PLCE1: variants seen among roughly 807,000 people sequenced by gnomAD.
PLCE1 encodes 1-phosphatidylinositol 4,5-bisphosphate phosphodiesterase epsilon-1.
PLCE1 carries 119 observed loss-of-function variants against 242.8 expected under a neutral mutation model. That is an observed-to-expected ratio of 0.49 (90% CI 0.42 to 0.57). The LOEUF is 0.57. Among genes scored for constraint, PLCE1 ranks in the 20% least tolerant of loss-of-function variants. The pLI is 0.00. For synonymous variants in PLCE1, 945 were observed against 1,017.4 expected (o/e 0.93, Z 1.35); for missense variants, 2,441 against 2,788.8 (o/e 0.88, Z 2.81).
intron 28 of PLCE1, among the ~76,000 whole-genome samples, chr10:94,316,251 A>C (rs542869571): frequency 6.6e-6 from 1 of 152,352 alleles, no homozygotes; most frequent in African/African-American, 2.4e-5. Context: ...CAAAGGGCTA[A>C]GTTCATGGAA....
rs2054145437 is a variant in PLCE1 at position 94,330,389 on chromosome 10, TAA to T, written c.*2448_*2449del. On this transcript the variant is annotated 3_prime_UTR_variant, in exon 33 of 33. Transcript: ENST00000371380. ...AGAAAGAACACATTGTTTCAAAATG[TAA>T]AGAGTTGGCTGGGCACAGTGGCTCA... 1 of 152,134 alleles carries T rather than the reference TAA, an allele frequency of 6.6e-6. No homozygotes were observed. Among genetic ancestry groups the T allele is most frequent in the Non-Finnish European group, 1.5e-5 (1 of 68,028 alleles). 9.4% of individuals were successfully genotyped at this position (152,134 alleles called of 1,614,324 possible).
chr10:94,163,111 G>C (rs970085661), intron 3 of PLCE1, among the ~76,000 whole-genome samples: 1 of 152,186 alleles, frequency 6.6e-6, no homozygotes, highest in African/African-American at 2.4e-5. Context: ...GTGGTGTGGT[G>C]CTGAAAAGAA....
rs753807448 is a variant in PLCE1 at position 94,060,173 on chromosome 10, GT to G, written c.1206+27933del. Among the ~76,000 whole-genome samples the G allele has an allele frequency of 8.1e-3, 1,177 of 144,472 alleles. 7 individuals are homozygous for G. The highest frequency in any genetic ancestry group is 0.013 in the Non-Finnish European group (840 of 65,494). 94.8% of individuals were successfully genotyped at this position (144,472 alleles called of 152,430 possible). ...CTTGCTACATGCTGGTCTTGGTCAA[GT>G]TTTTTTTTTTTGTCTAAGCTTCTGC... On this transcript the variant is annotated intron_variant, in intron 2 of 32. Transcript: ENST00000371380.
At chr10:94,180,752 G>A (rs56024920) in intron 4 of PLCE1, among the ~76,000 whole-genome samples, 3,603 of 152,248 alleles carry the variant, frequency 0.024, 137 homozygotes, top group African/African-American at 0.081. Flanking sequence ...CTCCTCCATC[G>A]TCAATGGGAT....
chr10:94,156,003 G>A (rs1331875822), intron 3 of PLCE1, among the ~76,000 whole-genome samples: 1 of 152,010 alleles, frequency 6.6e-6, no homozygotes, highest in East Asian at 1.9e-4. Context: ...AAAAAAGAAT[G>A]GACATAAATA....
At chr10:94,002,398 A>G (rs1246488995) in intron 1 of PLCE1, among the ~76,000 whole-genome samples, 1 of 152,174 alleles carries the variant, frequency 6.6e-6, no homozygotes, top group Non-Finnish European at 1.5e-5. Flanking sequence ...GCAAGCCCAG[A>G]TCAAATTAGT....
chr10:94,064,854 T>C (rs931355115), intron 2 of PLCE1, among the ~76,000 whole-genome samples: 2 of 152,152 alleles, frequency 1.3e-5, no homozygotes, highest in African/African-American at 4.8e-5. Flanking sequence ...TTCAGCTGTG[T>C]CCCACCTTTT....
rs183096253 is a variant in PLCE1, at chr10:94,080,461, A to G, written c.1206+48209A>G. Among the ~76,000 whole-genome samples the G allele has an allele frequency of 1.5e-3, 229 of 152,330 alleles. 2 individuals carry two copies. The highest frequency in any genetic ancestry group is 4.4e-3 in the African/African-American group (185 of 41,580). ...TCTCTACCATGAGATTGGACATGCT[A>G]TTAGCCCAGGGACCAAGTAAAATGT... On this transcript the variant is annotated intron_variant, in intron 2 of 32. Coordinates refer to ENST00000371380, the MANE Select transcript of PLCE1 (RefSeq NM_016341.4).
intron 8 of PLCE1, among the ~76,000 whole-genome samples, chr10:94,247,794 C>T (rs879496011): frequency 7.2e-5 from 11 of 152,098 alleles, no homozygotes; most frequent in East Asian, 1.9e-4. Flanking sequence ...TATAGTTTAG[C>T]GTGGCAACAG....
chr10:94,032,294 T>G (rs766436523), intron 2 of PLCE1, 42 bp downstream of exon 2: 3 of 1,566,900 alleles, frequency 1.9e-6, no homozygotes, highest in Non-Finnish European at 2.6e-6. Flanking sequence ...TTAAACTTGC[T>G]TTTTTTTTCA....
intron 3 of PLCE1, among the ~76,000 whole-genome samples, chr10:94,168,506 T>C (rs1285957130): frequency 2.0e-5 from 3 of 152,182 alleles, no homozygotes; most frequent in Non-Finnish European, 4.4e-5. Flanking sequence ...TATACTGAGA[T>C]ACATGCTTAT....
chr10:94,292,168 A>G (rs971917493), intron 22 of PLCE1, among the ~76,000 whole-genome samples: 30 of 152,354 alleles, frequency 2.0e-4, no homozygotes, highest in African/African-American at 6.7e-4. Flanking sequence ...CATGTTTGCT[A>G]TTATGAATAC....
chr10:94,114,605 T>C (rs2046059891), intron 2 of PLCE1, among the ~76,000 whole-genome samples: 1 of 152,178 alleles, frequency 6.6e-6, no homozygotes, highest in African/African-American at 2.4e-5. Flanking sequence ...CCCATGTAGG[T>C]AGCATTTCCT....
chr10:94,086,386 A>C (rs1336084170), intron 2 of PLCE1, among the ~76,000 whole-genome samples: 1 of 152,192 alleles, frequency 6.6e-6, no homozygotes, highest in Non-Finnish European at 1.5e-5. Context: ...TTTGCTTGTA[A>C]GCCAAAATTA....
chr10:94,130,805 T>A (rs1157008120), intron 2 of PLCE1, among the ~76,000 whole-genome samples: 4 of 152,264 alleles, frequency 2.6e-5, no homozygotes, highest in Non-Finnish European at 5.9e-5. Flanking sequence ...TTCTGGGGTA[T>A]CATAAGGACC....
chr10:94,066,917 G>A (rs373461888), intron 2 of PLCE1, among the ~76,000 whole-genome samples: 18 of 152,170 alleles, frequency 1.2e-4, no homozygotes, highest in East Asian at 7.7e-4. Flanking sequence ...CCAGCTATTC[G>A]CACGTTTGCC....
rs2054122055 is a variant in PLCE1, at chr10:94,328,842, C to G, written c.*899C>G. 1.3e-5 allele frequency: 2 copies of G among 152,124 alleles called. No individual in the cohort carries two copies. Among genetic ancestry groups the G allele is most frequent in the Non-Finnish European group, 2.9e-5 (2 of 68,010 alleles). The allele number at this position is 152,124 out of a possible 1,614,324, so 9.4% of individuals were successfully genotyped here. A position where few individuals can be genotyped will look rare whatever the true frequency, so the allele number is the denominator to read the frequency against. ...GCTTTAAAAAAGGTTATTGCTTAAT[C>G]ATAGATTAGATTACTCATTTTTGGT... On this transcript the variant is annotated 3_prime_UTR_variant, in exon 33 of 33. Transcript: ENST00000371380.
At chr10:94,104,692 C>T (rs1318365253) in intron 2 of PLCE1, 1 of 152,226 alleles carries the variant, frequency 6.6e-6, no homozygotes, top group African/African-American at 2.4e-5. Flanking sequence ...ATTTGGCCTT[C>T]AGTCCCCCAT....
Position 94,089,391 on chromosome 10 carries a change from T to G in PLCE1, c.1207-42783T>G, listed in dbSNP as rs1333160818. 3.2e-6 allele frequency: 5 copies of G among 1,558,772 alleles called. No individual in the cohort carries two copies. The African/African-American group carries it at 5.5e-5, about 17-fold the overall frequency. On this transcript the variant is annotated intron_variant, in intron 2 of 32. Transcript: ENST00000371380. ...AAGAAGACCAGGTAAGGGTTCTTGT[T>G]GTCTAAGAAATCCCCCAGTGTTCTT...
Sources: gnomAD v4.1 joint callset for allele counts (sites outside exome capture counted in the v4.1 genomes callset) on GRCh38, gnomAD v4.1.1 for gene constraint, MANE v1.5 for transcripts, NCBI Gene and HGNC (gene_info 2026-07-23, HGNC 2026-07-21) for gene names.